HTR2C: variants seen among roughly 807,000 people sequenced by gnomAD.
HTR2C encodes 5-hydroxytryptamine (serotonin) receptor 2C, G protein-coupled.
HTR2C carries 5 observed loss-of-function variants against 21.0 expected under a neutral mutation model. The ratio of observed to expected loss-of-function variants is 0.24; its 90% CI spans 0.12 to 0.50. The LOEUF (loss-of-function observed/expected upper bound fraction) is 0.50. Ranked by LOEUF, HTR2C falls within the 20% of genes least tolerant of loss-of-function variation. The pLI is 0.98. For missense variants in HTR2C, 271 were observed against 371.2 expected (o/e 0.73, Z 2.22); for synonymous variants, 150 against 145.3 (o/e 1.03, Z -0.23).
Position 114,657,964 on chromosome X carries a change from TA to T in HTR2C, c.-80+44090del, listed in dbSNP as rs781792432. ...TCATGAAGACCTAATCTATCTAGAA[TA>T]AAAAAACAAGATGCCCAGGCTTAAA... On this transcript the variant is annotated intron_variant, in intron 2 of 5. Coordinates refer to ENST00000276198, the MANE Select transcript of HTR2C (RefSeq NM_000868.4). Among the ~76,000 whole-genome samples the T allele has an allele frequency of 2.7e-5, 3 of 111,205 alleles. No individual in the cohort carries two copies. The East Asian group carries it at 8.4e-4, about 31-fold the overall frequency.
intron 5 of HTR2C, among the ~76,000 whole-genome samples, chrX:114,864,111 A>T (rs782574054): frequency 9.2e-6 from 1 of 109,141 alleles, no homozygotes; most frequent in African/African-American, 3.3e-5. Flanking sequence ...TTGATAAGAG[A>T]ATTTAATCCA....
At position 114,808,758 on chromosome X, in the gene HTR2C, G is replaced by T. The variant is rs1036793992; in HGVS notation, c.350-39245G>T. 4.9e-4 allele frequency among the ~76,000 whole-genome samples: 55 copies of T among 111,994 alleles called. 1 individual carries two copies. The highest frequency in any genetic ancestry group is 1.7e-3 in the African/African-American group (52 of 30,859). On this transcript the variant is annotated intron_variant, in intron 4 of 5. Coordinates refer to ENST00000276198, the MANE Select transcript of HTR2C (RefSeq NM_000868.4). Reference sequence around the variant, plus strand: ...TTTTGTATGACTGTTTGCCATTCATGTGTCTTCTTTGGAGAAGTATCTATT... The same window carrying T: ...TTTTGTATGACTGTTTGCCATTCATTTGTCTTCTTTGGAGAAGTATCTATT...
At chrX:114,692,352 A>G (rs1272131637) in intron 2 of HTR2C, among the ~76,000 whole-genome samples, 1 of 111,966 alleles carries the variant, frequency 8.9e-6, no homozygotes, top group African/African-American at 3.2e-5. Flanking sequence ...CGACATGGAC[A>G]ATGCCAGTTC....
intron 4 of HTR2C, among the ~76,000 whole-genome samples, chrX:114,737,296 G>T (rs1360171058): frequency 2.9e-5 from 3 of 104,150 alleles, no homozygotes; most frequent in African/African-American, 1.1e-4. Flanking sequence ...GTACGATCTC[G>T]GCTCACTGCA....
chrX:114,728,587 T>C (rs1284769823), intron 3 of HTR2C, among the ~76,000 whole-genome samples: 2 of 111,381 alleles, frequency 1.8e-5, no homozygotes, highest in Non-Finnish European at 3.8e-5. Context: ...AGATTTATCC[T>C]AACACCATTA....
intron 5 of HTR2C, among the ~76,000 whole-genome samples, chrX:114,873,377 C>T (rs996594029): frequency 9.0e-6 from 1 of 111,328 alleles, no homozygotes; most frequent in African/African-American, 3.3e-5. Flanking sequence ...ATCTTCTGAT[C>T]AGCAGTTGTT....
At chrX:114,709,122 A>T (rs1932854155) in intron 2 of HTR2C, among the ~76,000 whole-genome samples, 1 of 111,556 alleles carries the variant, frequency 9.0e-6, no homozygotes, top group Non-Finnish European at 1.9e-5. Context: ...TCCTTTATAA[A>T]AGTCATTTCT....
chrX:114,719,215 G>C (rs1933105941), intron 2 of HTR2C, among the ~76,000 whole-genome samples: 1 of 109,121 alleles, frequency 9.2e-6, no homozygotes, highest in African/African-American at 3.3e-5. Flanking sequence ...TTGAAAACTT[G>C]AATTTATAAG....
intron 2 of HTR2C, among the ~76,000 whole-genome samples, chrX:114,632,225 G>A (rs932667815): frequency 9.0e-6 from 1 of 111,604 alleles, no homozygotes; most frequent in East Asian, 2.8e-4. Context: ...TCCAGGATAA[G>A]GTAAGTAAAA....
At chrX:114,697,179 A>C (rs1932304756) in intron 2 of HTR2C, among the ~76,000 whole-genome samples, 1 of 112,141 alleles carries the variant, frequency 8.9e-6, no homozygotes, top group Admixed American at 9.5e-5. Flanking sequence ...AGGAATTTCA[A>C]TCTGTACATT....
intron 4 of HTR2C, among the ~76,000 whole-genome samples, chrX:114,803,620 T>C (rs2070374252): frequency 9.7e-6 from 1 of 102,888 alleles, no homozygotes; most frequent in Admixed American, 1.1e-4. Context: ...TCATTGTAGA[T>C]TCTGGATATT....
At chrX:114,687,848 T>G (rs1164064099) in intron 2 of HTR2C, among the ~76,000 whole-genome samples, 1 of 111,700 alleles carries the variant, frequency 9.0e-6, no homozygotes, top group East Asian at 2.8e-4. Flanking sequence ...GCGTTTTCCT[T>G]TTCTACTATG....
rs1556453561 is a variant in HTR2C, at chrX:114,813,998, CTG to C, written c.350-33998_350-33997del. 2.7e-5 allele frequency among the ~76,000 whole-genome samples: 3 copies of C among 110,980 alleles called. No homozygotes were observed. In the Admixed American group the frequency reaches 2.9e-4, roughly 11 times the overall value. Reference sequence around the variant, plus strand: ...AAGACATAGCAAGGAGTAATTAACTCTGTGTGTGGAGGTTTAGAAAGGGCTTC... The same window carrying C: ...AAGACATAGCAAGGAGTAATTAACTCTGTGTGGAGGTTTAGAAAGGGCTTC... On this transcript the variant is annotated intron_variant, in intron 4 of 5. Coordinates refer to ENST00000276198, the MANE Select transcript of HTR2C (RefSeq NM_000868.4).
In HTR2C at chrX:114,906,585, T is replaced by G; in HGVS notation, c.551-4T>G. On this transcript the variant is annotated splice_region_variant and splice_polypyrimidine_tract_variant and intron_variant, in intron 5 of 5. Transcript: ENST00000276198. Reference sequence around the variant, plus strand: ...AACAACCCCCTTCCTTTTTCTTCCTTTAGGTGTATCAGTTCCTATCCCTGT... The same window carrying G: ...AACAACCCCCTTCCTTTTTCTTCCTGTAGGTGTATCAGTTCCTATCCCTGT... 8.5e-7 allele frequency: 1 copy of G among 1,171,719 alleles called. No homozygotes were observed. The highest frequency in any genetic ancestry group is 1.2e-6 in the Non-Finnish European group (1 of 867,381).
At chrX:114,750,827 A>C (rs1368794636) in intron 4 of HTR2C, among the ~76,000 whole-genome samples, 1 of 112,145 alleles carries the variant, frequency 8.9e-6, no homozygotes, top group Non-Finnish European at 1.9e-5. Flanking sequence ...ACCTAAGTAA[A>C]TACCTACAAA....
At chrX:114,714,774 C>T (rs1387035295) in intron 2 of HTR2C, among the ~76,000 whole-genome samples, 2 of 111,496 alleles carry the variant, frequency 1.8e-5, no homozygotes, top group African/African-American at 6.5e-5. Flanking sequence ...ATTGCAACTT[C>T]TGTGTCATGG....
At chrX:114,664,010 T>C (rs1310567353) in intron 2 of HTR2C, among the ~76,000 whole-genome samples, 1 of 111,524 alleles carries the variant, frequency 9.0e-6, no homozygotes, top group Non-Finnish European at 1.9e-5. Context: ...GCTCAGAAGA[T>C]TATTTGGAAA....
chrX:114,866,417 T>C lies in HTR2C; in HGVS notation c.550+18214T>C, dbSNP rs183699906. Among the ~76,000 whole-genome samples the C allele has an allele frequency of 1.6e-3, 180 of 110,027 alleles. No homozygotes were observed. In the Middle Eastern group the frequency reaches 0.019, roughly 11 times the overall value. The stretch of plus-strand genomic sequence containing the variant: ...GTACACAGTAGGTACATGAGATGCT[T>C]TGAAACAGGCATGCGATGTGAAATA... On this transcript the variant is annotated intron_variant, in intron 5 of 5. Coordinates refer to ENST00000276198, the MANE Select transcript of HTR2C (RefSeq NM_000868.4).
intron 2 of HTR2C, among the ~76,000 whole-genome samples, chrX:114,722,200 G>A (rs1479802282): frequency 1.8e-5 from 2 of 109,661 alleles, no homozygotes; most frequent in African/African-American, 6.6e-5. Flanking sequence ...TCTTTGAGCA[G>A]TGATTTGTAG....
Sources: gnomAD v4.1 joint callset for allele counts (sites outside exome capture counted in the v4.1 genomes callset) on GRCh38, gnomAD v4.1.1 for gene constraint, MANE v1.5 for transcripts, NCBI Gene and HGNC (gene_info 2026-07-23, HGNC 2026-07-21) for gene names.